MTMR2: variants seen among roughly 807,000 people sequenced by gnomAD.
The protein encoded by MTMR2 is myotubularin related protein 2, also known as phosphatidylinositol-3,5-bisphosphate 3-phosphatase MTMR2.
MTMR2 carries 55 observed loss-of-function variants against 86.9 expected under a neutral mutation model. The observed-to-expected ratio is 0.63, with a 90% CI of 0.51 to 0.79. MTMR2 has a LOEUF of 0.79. Ranked by LOEUF, MTMR2 falls within the 30% of genes least tolerant of loss-of-function variation. The probability of loss-of-function intolerance (pLI) is 0.00; values close to 1 mark genes in which losing one functional copy is unlikely to be tolerated. For synonymous variants in MTMR2, 241 were observed against 266.8 expected (o/e 0.90, Z 0.94); for missense variants, 659 against 772.3 (o/e 0.85, Z 1.74).
chr11:95,890,707 A>G (rs1865685755), intron 1 of MTMR2, among the ~76,000 whole-genome samples: 1 of 152,160 alleles, frequency 6.6e-6, no homozygotes, highest in Non-Finnish European at 1.5e-5. Flanking sequence ...TTGTAGCATC[A>G]CTGAGCCAAC....
chr11:95,889,885 AT>A (rs1297083373), intron 1 of MTMR2, among the ~76,000 whole-genome samples: 1 of 152,194 alleles, frequency 6.6e-6, no homozygotes, highest in Non-Finnish European at 1.5e-5. Context: ...TCAAAAATGT[AT>A]TTTTCTAAAA....
At chr11:95,909,292 AT>A (rs1244355069) in intron 1 of MTMR2, among the ~76,000 whole-genome samples, 4 of 152,004 alleles carry the variant, frequency 2.6e-5, no homozygotes, top group African/African-American at 4.8e-5. Flanking sequence ...CTCTTCACTT[AT>A]TTTTTTGCTG....
chr11:95,860,127 A>G (rs1205305351), intron 5 of MTMR2, among the ~76,000 whole-genome samples: 4 of 152,184 alleles, frequency 2.6e-5, no homozygotes, highest in Admixed American at 1.3e-4. Context: ...TTACTCTTAA[A>G]CTACAGAAAA....
At chr11:95,913,393 T>G (rs193060992) in intron 1 of MTMR2, among the ~76,000 whole-genome samples, 4 of 152,276 alleles carry the variant, frequency 2.6e-5, no homozygotes, top group Admixed American at 2.6e-4. Context: ...TTATTAGAGT[T>G]CTCTAGATCT....
intron 10 of MTMR2, among the ~76,000 whole-genome samples, chr11:95,846,094 CA>C (rs1271831970): frequency 6.6e-6 from 1 of 152,080 alleles, no homozygotes; most frequent in Admixed American, 6.6e-5. Context: ...GACTATATAT[CA>C]AGAGTCATTT....
intron 12 of MTMR2, among the ~76,000 whole-genome samples, chr11:95,838,631 A>C (rs1178169948): frequency 1.3e-5 from 2 of 152,098 alleles, no homozygotes; most frequent in East Asian, 3.9e-4. Flanking sequence ...AAGGCAGATA[A>C]TTTACAAGTC....
chr11:95,891,274 A>T (rs1865703880), intron 1 of MTMR2, among the ~76,000 whole-genome samples: 1 of 152,056 alleles, frequency 6.6e-6, no homozygotes, highest in South Asian at 2.1e-4. Flanking sequence ...AACATGGTGA[A>T]ACTCCCTCTC....
At chr11:95,861,402 GTTATTATTATTA>G (rs149187983) in intron 5 of MTMR2, among the ~76,000 whole-genome samples, 252 of 140,970 alleles carry the variant, frequency 1.8e-3, no homozygotes, top group Non-Finnish European at 3.2e-3. Context: ...ATTAAAGATG[GTTATTATTATTA>G]TTATTATTAT....
At chr11:95,850,777 A>G in intron 7 of MTMR2, 28 bp from the exon 8 acceptor site, 1 of 1,600,616 alleles carries the variant, frequency 6.2e-7, no homozygotes, top group Non-Finnish European at 8.6e-7. Context: ...CATAAGACAA[A>G]TTACTATATA....
intron 2 of MTMR2, among the ~76,000 whole-genome samples, chr11:95,873,608 T>C (rs1214592627): frequency 6.6e-6 from 1 of 151,476 alleles, no homozygotes; most frequent in Non-Finnish European, 1.5e-5. Context: ...TCAGTTCTGC[T>C]CTGATCTTAG....
At chr11:95,914,571 A>C (rs1212787651) in intron 1 of MTMR2, among the ~76,000 whole-genome samples, 1 of 151,944 alleles carries the variant, frequency 6.6e-6, no homozygotes, top group Non-Finnish European at 1.5e-5. Flanking sequence ...AGAAAAAAAA[A>C]CATCCTATTT....
At chr11:95,923,482 G>A (rs1213560048) in intron 1 of MTMR2, among the ~76,000 whole-genome samples, 4 of 151,904 alleles carry the variant, frequency 2.6e-5, no homozygotes, top group Non-Finnish European at 5.9e-5. Context: ...GAGGAGGAAA[G>A]ACTGACTTTA....
intron 1 of MTMR2, among the ~76,000 whole-genome samples, chr11:95,915,307 T>C (rs1284357064): frequency 6.6e-6 from 1 of 152,128 alleles, no homozygotes; most frequent in African/African-American, 2.4e-5. Flanking sequence ...CCTCAGCAAC[T>C]GCTCATTTGC....
chr11:95,905,417 G>A (rs1331027634), intron 1 of MTMR2, among the ~76,000 whole-genome samples: 1 of 151,896 alleles, frequency 6.6e-6, no homozygotes, highest in African/African-American at 2.4e-5. Context: ...GCTGGGGAAA[G>A]GGGACCGGCA....
chr11:95,914,093 AGGACAG>A (rs1866613072), intron 1 of MTMR2: 1 of 691,726 alleles, frequency 1.4e-6, no homozygotes, highest in Non-Finnish European at 1.8e-6. Context: ...CAGAATTTTA[AGGACAG>A]GGACTTGGAA....
chr11:95,835,367 A>G lies in MTMR2; in HGVS notation c.1855T>C (p.Ser619Pro), dbSNP rs116750638. The G allele has an allele frequency of 2.1e-3, 3,427 of 1,613,144 alleles. 24 individuals are homozygous for G. Among genetic ancestry groups the G allele is most frequent in the South Asian group, 0.01 (912 of 91,064 alleles). Residue 619 changes from serine to proline, a missense_variant, in exon 15 of 15, where the codon TCT becomes CCT. Ser to Pro is a moderately conservative substitution (Grantham distance 74). Coordinates refer to ENST00000346299, the MANE Select transcript of MTMR2 (RefSeq NM_016156.6). The part of the protein sequence containing the change: ...KKVEELQREI[S>P]NRSTSSSERA... ...TCTGAGGATGAGGTTGATCGGTTAGAAATCTCTCTCTGTAGTTCCTCTACT... is the reference window on the plus strand; with the variant it reads ...TCTGAGGATGAGGTTGATCGGTTAGGAATCTCTCTCTGTAGTTCCTCTACT...
chr11:95,862,425 C>G (rs551367), intron 3 of MTMR2, 59 bp from the exon 4 acceptor site: 2 of 1,257,048 alleles, frequency 1.6e-6, no homozygotes, highest in East Asian at 4.7e-5. Flanking sequence ...AACCTGCTAT[C>G]TCATCTTATA....
intron 5 of MTMR2, 52 bp from the exon 6 acceptor site, chr11:95,858,684 G>GAATA (rs1482472011): frequency 8.8e-7 from 1 of 1,132,964 alleles, no homozygotes; most frequent in Admixed American, 1.7e-5. Flanking sequence ...TTACTTAAAT[G>GAATA]AATAAATAAG....
intron 2 of MTMR2, among the ~76,000 whole-genome samples, chr11:95,872,549 T>C (rs1374028989): frequency 6.6e-6 from 1 of 152,232 alleles, no homozygotes; most frequent in Admixed American, 6.5e-5. Flanking sequence ...TACAATCATG[T>C]CATCTGCAAA....
Sources: allele counts gnomAD v4.1 joint callset (sites outside exome capture counted in the v4.1 genomes callset), GRCh38; gene constraint gnomAD v4.1.1; transcripts MANE v1.5; gene names NCBI Gene and HGNC (gene_info 2026-07-23, HGNC 2026-07-21).